The following ATRN variants were observed in gnomAD, a reference collection of about 807,000 sequenced individuals.
ATRN encodes the protein attractin-2.
ATRN carries 54 observed loss-of-function variants against 178.7 expected under a neutral mutation model. The ratio of observed to expected loss-of-function variants is 0.30; its 90% CI spans 0.24 to 0.38. The LOEUF (loss-of-function observed/expected upper bound fraction) is 0.38, where lower values mean the gene tolerates loss of function less well. ATRN is among the 10% of genes least tolerant of loss of function. ATRN has a pLI of 1.00. For missense variants in ATRN, 1,443 were observed against 1,815.1 expected (o/e 0.79, Z 3.73); for synonymous variants, 636 against 663.0 (o/e 0.96, Z 0.63).
intron 1 of ATRN, among the ~76,000 whole-genome samples, chr20:3,525,852 TC>T (rs1478197676): frequency 2.6e-5 from 4 of 152,188 alleles, no homozygotes; most frequent in Admixed American, 6.5e-5. Context: ...ATTCAACAGC[TC>T]TTCATGCTAA....
At chr20:3,642,490 A>G (rs2087077054) in intron 27 of ATRN, among the ~76,000 whole-genome samples, 1 of 152,226 alleles carries the variant, frequency 6.6e-6, no homozygotes, top group South Asian at 2.1e-4. Context: ...CAGCCAGTCT[A>G]TCAGCAAATC....
rs1358869889 is a variant in ATRN at position 3,625,344 on chromosome 20, A to G, written c.3863+772A>G. ...TTTCATTTAATACCATTGTATCATAATGCATGGCTAAATCAGTGATCCCTA... is the reference window on the plus strand; with the variant it reads ...TTTCATTTAATACCATTGTATCATAGTGCATGGCTAAATCAGTGATCCCTA... On this transcript the variant is annotated intron_variant, in intron 25 of 28. Coordinates refer to ENST00000262919, the MANE Select transcript of ATRN (RefSeq NM_139321.3). Among the ~76,000 whole-genome samples, 52 of 152,224 alleles carry G rather than the reference A, an allele frequency of 3.4e-4. 1 individual carries two copies. The highest frequency in any genetic ancestry group is 3.4e-3 in the Admixed American group (52 of 15,272).
intron 1 of ATRN, among the ~76,000 whole-genome samples, chr20:3,492,916 A>G (rs1008047512): frequency 2.0e-5 from 3 of 147,604 alleles, no homozygotes; most frequent in Non-Finnish European, 4.5e-5. Flanking sequence ...ATATATAAAT[A>G]CATATATATG....
intron 20 of ATRN, among the ~76,000 whole-genome samples, chr20:3,595,170 T>TC (rs552440270): frequency 1.3e-5 from 2 of 152,166 alleles, no homozygotes; most frequent in Non-Finnish European, 2.9e-5. Context: ...AAATCACTGT[T>TC]CCCCCCATCT....
intron 4 of ATRN, among the ~76,000 whole-genome samples, chr20:3,546,502 C>T (rs2085704664): frequency 1.3e-5 from 2 of 150,928 alleles, no homozygotes; most frequent in South Asian, 4.2e-4. Flanking sequence ...AGCAATTCTC[C>T]TGCCTCAGCC....
chr20:3,547,827 C>CT (rs1158483096), intron 5 of ATRN, among the ~76,000 whole-genome samples: 4 of 152,158 alleles, frequency 2.6e-5, no homozygotes, highest in South Asian at 2.1e-4. Flanking sequence ...GAAACACACT[C>CT]TAAGTTCAGA....
chr20:3,476,763 G>A (rs2084537263), intron 1 of ATRN, among the ~76,000 whole-genome samples: 1 of 152,236 alleles, frequency 6.6e-6, no homozygotes, highest in African/African-American at 2.4e-5. Flanking sequence ...AGGAGGCTGA[G>A]GCAGGAGAAT....
chr20:3,514,767 G>T lies in ATRN; in HGVS notation c.411-20486G>T, dbSNP rs139350257. Among the ~76,000 whole-genome samples the T allele has an allele frequency of 3.6e-3, 547 of 152,074 alleles. 3 individuals carry two copies. The highest frequency in any genetic ancestry group is 0.013 in the African/African-American group (522 of 41,468). ...TTGAGGCCAGGAGTTTGAGACCACC[G>T]TGGGCAACATAGTGAGACTGTCTCT... On this transcript the variant is annotated intron_variant, in intron 1 of 28. Coordinates refer to ENST00000262919, the MANE Select transcript of ATRN (RefSeq NM_139321.3).
chr20:3,570,573 T>C (rs2086106542), intron 11 of ATRN, among the ~76,000 whole-genome samples: 1 of 152,096 alleles, frequency 6.6e-6, no homozygotes, highest in African/African-American at 2.4e-5. Context: ...TTTAAAAATA[T>C]TTCATGTGTT....
chr20:3,551,474 C>A (rs2085785915), intron 6 of ATRN, among the ~76,000 whole-genome samples: 1 of 152,158 alleles, frequency 6.6e-6, no homozygotes, highest in Non-Finnish European at 1.5e-5. Flanking sequence ...TGTCTCACTT[C>A]CTGATGTTTG....
chr20:3,633,433 A>G (rs975143171), intron 25 of ATRN, among the ~76,000 whole-genome samples: 15 of 152,212 alleles, frequency 9.9e-5, no homozygotes, highest in Admixed American at 7.2e-4. Flanking sequence ...GGTGCCATTC[A>G]TGAAGCTGAC....
chr20:3,486,216 A>C (rs571961578), intron 1 of ATRN, among the ~76,000 whole-genome samples: 2 of 152,204 alleles, frequency 1.3e-5, no homozygotes, highest in East Asian at 3.9e-4. Flanking sequence ...AGGTATAACA[A>C]GTGTGACGTG....
At chr20:3,566,044 G>C (rs77695272) in intron 11 of ATRN, among the ~76,000 whole-genome samples, 1 of 152,104 alleles carries the variant, frequency 6.6e-6, no homozygotes, top group Admixed American at 6.6e-5. Flanking sequence ...CAAAAGTTAC[G>C]TGCATGTCAT....
chr20:3,557,711 T>C (rs2085897787), intron 6 of ATRN, among the ~76,000 whole-genome samples: 1 of 152,192 alleles, frequency 6.6e-6, no homozygotes, highest in African/African-American at 2.4e-5. Context: ...ACCTGGACAT[T>C]GTAAAAATTT....
chr20:3,603,300 G>C (rs1277535341), intron 23 of ATRN, among the ~76,000 whole-genome samples: 2 of 152,102 alleles, frequency 1.3e-5, no homozygotes, highest in African/African-American at 4.8e-5. Flanking sequence ...TGGGAGTCTG[G>C]CGCATTGCCA....
chr20:3,613,049 A>C (rs564873925), intron 24 of ATRN, among the ~76,000 whole-genome samples: 35 of 152,286 alleles, frequency 2.3e-4, no homozygotes, highest in Non-Finnish European at 4.1e-4. Context: ...CTAAGAAGTA[A>C]TAATTTTAAG....
intron 23 of ATRN, among the ~76,000 whole-genome samples, chr20:3,601,867 T>TAA (rs77232797): frequency 2.0e-4 from 23 of 117,690 alleles, no homozygotes; most frequent in Admixed American, 3.5e-4. Context: ...CCCATCTCTT[T>TAA]AAAAAAAAAA....
intron 10 of ATRN, 133 bp downstream of exon 10, chr20:3,563,496 T>A (rs2085983645): frequency 1.1e-6 from 1 of 904,090 alleles, no homozygotes; most frequent in East Asian, 2.6e-5. Context: ...TGGTATTTTT[T>A]ATATTCATTT....
intron 14 of ATRN, among the ~76,000 whole-genome samples, chr20:3,578,245 C>G (rs551506056): frequency 6.6e-6 from 1 of 152,266 alleles, no homozygotes; most frequent in East Asian, 1.9e-4. Flanking sequence ...ATTCATTTGT[C>G]TGCTCTTCAC....
Sources: gnomAD v4.1 joint callset for allele counts (sites outside exome capture counted in the v4.1 genomes callset) on GRCh38, gnomAD v4.1.1 for gene constraint, MANE v1.5 for transcripts, NCBI Gene and HGNC (gene_info 2026-07-23, HGNC 2026-07-21) for gene names.